RBFOX3: variants seen among roughly 807,000 people sequenced by gnomAD.
RBFOX3 encodes RNA binding protein fox-1 homolog 3.
Under a neutral mutation model 48.7 loss-of-function variants are expected in RBFOX3, and 17 were observed. The observed-to-expected ratio is 0.35, with a 90% CI of 0.24 to 0.52. RBFOX3 has a LOEUF of 0.52. Among genes scored for constraint, RBFOX3 ranks in the 20% least tolerant of loss-of-function variants. The pLI, the probability that RBFOX3 is intolerant of heterozygous loss-of-function variation, is 0.94. For missense variants in RBFOX3, 382 were observed against 497.5 expected, an observed-to-expected ratio of 0.77 and a Z score of 2.21; for synonymous variants, 212 against 209.5, an observed-to-expected ratio of 1.01 and a Z score of -0.10.
intron 4 of RBFOX3, among the ~76,000 whole-genome samples, chr17:79,178,929 C>T (rs2051219100): frequency 6.6e-6 from 1 of 152,220 alleles, no homozygotes; most frequent in Non-Finnish European, 1.5e-5. Flanking sequence ...ATGGATGCTG[C>T]CGCGGGTGCA....
chr17:79,578,641 C>T (rs1341775888), intron 1 of RBFOX3, among the ~76,000 whole-genome samples: 4 of 152,256 alleles, frequency 2.6e-5, no homozygotes, highest in African/African-American at 9.6e-5. Context: ...GGTCTGGATG[C>T]TGCGTGAATT....
intron 2 of RBFOX3, among the ~76,000 whole-genome samples, chr17:79,327,301 G>C (rs1159410831): frequency 1.3e-5 from 2 of 152,246 alleles, no homozygotes; most frequent in Non-Finnish European, 2.9e-5. Flanking sequence ...TCCCTGGGAA[G>C]GGTAAGTCCT....
intron 2 of RBFOX3, among the ~76,000 whole-genome samples, chr17:79,468,754 A>AGGAT (rs1197503639): frequency 1.3e-5 from 2 of 151,376 alleles, no homozygotes; most frequent in Admixed American, 6.6e-5. Flanking sequence ...GATAGACAGG[A>AGGAT]GGATGGATGG....
intron 2 of RBFOX3, among the ~76,000 whole-genome samples, chr17:79,411,843 G>A (rs2064393258): frequency 6.6e-6 from 1 of 152,242 alleles, no homozygotes; most frequent in African/African-American, 2.4e-5. Flanking sequence ...GGCTCATACT[G>A]GGGCCAATTA....
At chr17:79,349,306 C>A (rs1287159248) in intron 2 of RBFOX3, among the ~76,000 whole-genome samples, 1 of 152,034 alleles carries the variant, frequency 6.6e-6, no homozygotes, top group Non-Finnish European at 1.5e-5. Context: ...CACCTCTCAC[C>A]ACTCGCACTC....
rs1031762813 is a variant in RBFOX3 at position 79,090,174 on chromosome 17, G to C, written c.*709C>G. 2.0e-5 allele frequency: 3 copies of C among 152,322 alleles called. No homozygotes were observed. Among genetic ancestry groups the C allele is most frequent in the Non-Finnish European group, 4.4e-5 (3 of 68,124 alleles). 9.4% of individuals were successfully genotyped at this position (152,322 alleles called of 1,614,324 possible). A position where few individuals can be genotyped will look rare whatever the true frequency, so the allele number is the denominator to read the frequency against. On this transcript the variant is annotated 3_prime_UTR_variant, in exon 15 of 15. Transcript: ENST00000693108. ...AGGTGTGAGGAGTGGCTCCTGGCTG[G>C]CTGGGCTTCCTTCGTCCTCCCATGG...
chr17:79,321,154 G>A (rs1037023347), intron 2 of RBFOX3, among the ~76,000 whole-genome samples: 5 of 152,214 alleles, frequency 3.3e-5, no homozygotes, highest in African/African-American at 1.2e-4. Flanking sequence ...CAGGTCAGAT[G>A]AGAACTGCAA....
intron 1 of RBFOX3, among the ~76,000 whole-genome samples, chr17:79,567,755 T>C (rs1029994679): frequency 3.3e-5 from 5 of 152,246 alleles, no homozygotes; most frequent in African/African-American, 1.2e-4. Flanking sequence ...GCCAAGTTCC[T>C]GGCAGGGAAG....
rs1645518950 is a variant in RBFOX3, at chr17:79,477,333, G to T, written c.-175+5121C>A. 6.7e-6 allele frequency among the ~76,000 whole-genome samples: 1 copy of T among 150,108 alleles called. No homozygotes were observed. Among genetic ancestry groups the T allele is most frequent in the Non-Finnish European group, 1.5e-5 (1 of 67,762 alleles). On this transcript the variant is annotated intron_variant, in intron 2 of 14. Coordinates refer to ENST00000693108, the MANE Select transcript of RBFOX3 (RefSeq NM_001350451.2). The surrounding 1 kb of genome is among the most constrained non-coding windows in gnomAD (Gnocchi z 4.8). Reference sequence around the variant, plus strand: ...GCACTTTGGGAGGCCAAGGCAGGTGGATCACGAGGTCAGGAGATCGAGATC... The same window carrying T: ...GCACTTTGGGAGGCCAAGGCAGGTGTATCACGAGGTCAGGAGATCGAGATC...
chr17:79,141,123 C>T (rs985936496), intron 4 of RBFOX3, among the ~76,000 whole-genome samples: 5 of 152,172 alleles, frequency 3.3e-5, no homozygotes, highest in African/African-American at 1.2e-4. Flanking sequence ...GTGGCTCACG[C>T]GGCTGTCGAT....
intron 2 of RBFOX3, among the ~76,000 whole-genome samples, chr17:79,330,642 A>G (rs1046235939): frequency 1.3e-5 from 2 of 151,966 alleles, no homozygotes; most frequent in African/African-American, 4.8e-5. Flanking sequence ...GACTCTCACC[A>G]GTTTCTGGCT....
At chr17:79,506,953 A>G (rs2083235438) in intron 1 of RBFOX3, among the ~76,000 whole-genome samples, 2 of 152,240 alleles carry the variant, frequency 1.3e-5, no homozygotes. Context: ...GTGGCCTAGG[A>G]TGGGTACTCT....
At chr17:79,581,550 C>A (rs1451448708) in intron 1 of RBFOX3, among the ~76,000 whole-genome samples, 1 of 152,250 alleles carries the variant, frequency 6.6e-6, no homozygotes, top group Non-Finnish European at 1.5e-5. Flanking sequence ...AACAGAAACA[C>A]CCCCACACAG....
chr17:79,530,759 G>A (rs891136699), intron 1 of RBFOX3, among the ~76,000 whole-genome samples: 1 of 152,200 alleles, frequency 6.6e-6, no homozygotes, highest in Non-Finnish European at 1.5e-5. Flanking sequence ...TGATGTTCTG[G>A]GGAGGTGCCC....
chr17:79,158,185 G>C (rs978282891), intron 4 of RBFOX3, among the ~76,000 whole-genome samples: 1 of 152,208 alleles, frequency 6.6e-6, no homozygotes, highest in Non-Finnish European at 1.5e-5. Flanking sequence ...CCAAGGAAGA[G>C]AGGCCTCCAA....
At chr17:79,275,118 G>A in intron 3 of RBFOX3, among the ~76,000 whole-genome samples, 1 of 96,920 alleles carries the variant, frequency 1.0e-5, no homozygotes, top group Non-Finnish European at 2.3e-5. Flanking sequence ...CTCTCTCCAT[G>A]TCTCCCTCTC....
intron 9 of RBFOX3, chr17:79,098,085 C>T (rs1172412284): frequency 6.6e-6 from 2 of 304,588 alleles, no homozygotes; most frequent in Non-Finnish European, 1.3e-5. Flanking sequence ...GAAAGTGGAA[C>T]TTGTTATCTA....
At chr17:79,296,549 C>T (rs912989588) in intron 3 of RBFOX3, among the ~76,000 whole-genome samples, 2 of 152,062 alleles carry the variant, frequency 1.3e-5, no homozygotes, top group African/African-American at 4.8e-5. Flanking sequence ...TCTAACCCCT[C>T]CCCGGGGAGC....
At chr17:79,138,690 G>GCAC (rs878955971) in intron 4 of RBFOX3, among the ~76,000 whole-genome samples, 1 of 27,088 alleles carries the variant, frequency 3.7e-5, no homozygotes, top group African/African-American at 8.7e-5. Context: ...CCATACACAT[G>GCAC]GACACAGCAC....
Sources: gnomAD v4.1 joint callset for allele counts (sites outside exome capture counted in the v4.1 genomes callset) on GRCh38, gnomAD v4.1.1 for gene constraint, Gnocchi (gnomAD v3.1) non-coding constraint, MANE v1.5 for transcripts, NCBI Gene and HGNC (gene_info 2026-07-23, HGNC 2026-07-21) for gene names.